The following RETREG1 variants were observed in gnomAD, a reference collection of about 807,000 sequenced individuals.
RETREG1 encodes the protein family with sequence similarity 134 member B.
RETREG1 carries 44 observed loss-of-function variants against 54.8 expected under a neutral mutation model. That is an observed-to-expected ratio of 0.80 (90% CI 0.63 to 1.03). The LOEUF (loss-of-function observed/expected upper bound fraction) is 1.03. Ranked by LOEUF, RETREG1 falls within the 50% of genes least tolerant of loss-of-function variation. RETREG1 has a pLI of 0.00. For synonymous variants in RETREG1, 217 were observed against 238.5 expected, an observed-to-expected ratio of 0.91 and a Z score of 0.83; for missense variants, 554 against 605.1, an observed-to-expected ratio of 0.92 and a Z score of 0.89.
Position 16,481,001 on chromosome 5 carries a change from A to G in RETREG1, c.670+8T>C, listed in dbSNP as rs1229368332. 1.3e-6 allele frequency: 2 copies of G among 1,588,470 alleles called. No homozygotes were observed. Among genetic ancestry groups the G allele is most frequent in the Admixed American group, 1.7e-5 (1 of 59,788 alleles). On this transcript the variant is annotated splice_region_variant and intron_variant, in intron 5 of 8. Coordinates refer to ENST00000306320, the MANE Select transcript of RETREG1 (RefSeq NM_001034850.3). ...ACAACACTTAGCCATATGTTCTACT[A>G]TACTTACACAGTAGATAGCTGAGTA...
rs558403876 is a variant in RETREG1 at position 16,487,305 on chromosome 5, G to A, written c.459-3833C>T. On this transcript the variant is annotated intron_variant, in intron 3 of 8. Coordinates refer to ENST00000306320, the MANE Select transcript of RETREG1 (RefSeq NM_001034850.3). ...ACTTTCCAAGTTCAAAAGGAAATAG[G>A]TTCTTTGGTTCATCTTTCTATCCAT... 9.7e-4 allele frequency among the ~76,000 whole-genome samples: 147 copies of A among 152,218 alleles called. 2 individuals carry two copies. In the Middle Eastern group the frequency reaches 0.014, roughly 14 times the overall value.
chr5:16,503,007 T>C (rs334466), intron 3 of RETREG1, among the ~76,000 whole-genome samples: 42,874 of 152,182 alleles, frequency 0.28, 6,257 homozygotes, highest in East Asian at 0.39. Flanking sequence ...CCATAGCAGC[T>C]GCAGCCCTCC....
chr5:16,563,559 C>T (rs1741930439), intron 3 of RETREG1, among the ~76,000 whole-genome samples: 1 of 152,174 alleles, frequency 6.6e-6, no homozygotes, highest in African/African-American at 2.4e-5. Flanking sequence ...CGTGCCTGGC[C>T]TGTAAATGTC....
intron 1 of RETREG1, among the ~76,000 whole-genome samples, chr5:16,599,750 TC>T (rs1362523701): frequency 6.6e-6 from 1 of 151,910 alleles, no homozygotes; most frequent in African/African-American, 2.4e-5. Context: ...CTCCTCTTCC[TC>T]CCCAAACCAC....
At chr5:16,479,252 C>G (rs1284724616) in intron 5 of RETREG1, among the ~76,000 whole-genome samples, 3 of 151,922 alleles carry the variant, frequency 2.0e-5, no homozygotes, top group Non-Finnish European at 4.4e-5. Flanking sequence ...CATTTTCTAC[C>G]ACCACCCACA....
intron 3 of RETREG1, among the ~76,000 whole-genome samples, chr5:16,526,387 T>C (rs1223998730): frequency 6.6e-6 from 1 of 152,204 alleles, no homozygotes; most frequent in East Asian, 1.9e-4. Flanking sequence ...TCAACTGCCT[T>C]AGTTACAAGC....
chr5:16,562,144 C>T (rs1226849324), intron 3 of RETREG1, among the ~76,000 whole-genome samples: 1 of 152,054 alleles, frequency 6.6e-6, no homozygotes, highest in African/African-American at 2.4e-5. Flanking sequence ...GGAGAAACCC[C>T]ATCTCTAGTA....
At chr5:16,572,894 G>A (rs1222189352) in intron 1 of RETREG1, among the ~76,000 whole-genome samples, 2 of 152,124 alleles carry the variant, frequency 1.3e-5, no homozygotes, top group South Asian at 4.1e-4. Flanking sequence ...CTTAAAAACA[G>A]CAGTTATTGG....
intron 3 of RETREG1, among the ~76,000 whole-genome samples, chr5:16,525,945 G>C (rs995784102): frequency 6.6e-5 from 10 of 152,170 alleles, no homozygotes; most frequent in Non-Finnish European, 1.3e-4. Context: ...AGGGACCTGG[G>C]TCCTTGCTCT....
At chr5:16,565,657 T>A in intron 3 of RETREG1, 106 bp downstream of exon 3, 1 of 1,222,274 alleles carries the variant, frequency 8.2e-7, no homozygotes, top group Non-Finnish European at 1.2e-6. Flanking sequence ...ACTCTTGGAT[T>A]TAGATTCCTG....
intron 3 of RETREG1, among the ~76,000 whole-genome samples, chr5:16,538,372 C>T (rs1437174618): frequency 1.3e-5 from 2 of 152,188 alleles, no homozygotes; most frequent in Non-Finnish European, 2.9e-5. Flanking sequence ...AAATTGGGGG[C>T]TCTTTGACTT....
intron 5 of RETREG1, among the ~76,000 whole-genome samples, chr5:16,480,206 G>A (rs573836979): frequency 6.4e-4 from 97 of 151,926 alleles, no homozygotes; most frequent in African/African-American, 2.2e-3. Flanking sequence ...ACTAAAGATT[G>A]TTTGAATTTT....
intron 3 of RETREG1, among the ~76,000 whole-genome samples, chr5:16,518,137 T>A (rs1740417983): frequency 6.7e-6 from 1 of 148,200 alleles, no homozygotes; most frequent in Admixed American, 6.8e-5. Context: ...TATATATTTA[T>A]ATATAATCAA....
intron 3 of RETREG1, among the ~76,000 whole-genome samples, chr5:16,526,473 G>A (rs562713710): frequency 2.0e-5 from 3 of 152,168 alleles, no homozygotes; most frequent in South Asian, 4.1e-4. Flanking sequence ...GGAAAAGGTG[G>A]ACTCAAAAAG....
In RETREG1 at chr5:16,585,827, G is replaced by A. The variant is rs1243844953; in HGVS notation, c.321-13725C>T. Among the ~76,000 whole-genome samples, 1 of 152,134 alleles carries A rather than the reference G, an allele frequency of 6.6e-6. No individual in the cohort carries two copies. The highest frequency in any genetic ancestry group is 2.4e-5 in the African/African-American group (1 of 41,488). On this transcript the variant is annotated intron_variant, in intron 1 of 8. Coordinates refer to ENST00000306320, the MANE Select transcript of RETREG1 (RefSeq NM_001034850.3). This position sits in a 1 kb window ranked among gnomAD's most constrained non-coding sequence, Gnocchi z 4.5. ...CATATGGTGGGAGCAGTGGCAAGAG[G>A]GAGTGTGGGGAGGGGGTGCCACATA...
Position 16,473,219 on chromosome 5 carries a change from A to G in RETREG1, c.*1522T>C. On this transcript the variant is annotated 3_prime_UTR_variant, in exon 9 of 9. Coordinates refer to ENST00000306320, the MANE Select transcript of RETREG1 (RefSeq NM_001034850.3). The stretch of plus-strand genomic sequence containing the variant: ...GAAGGCACAGGCTCACTTTGTATCA[A>G]TAAAGGACATCAAACACAGTCATGA... The G allele has an allele frequency of 6.6e-6, 1 of 152,568 alleles. No homozygotes were observed. The highest frequency in any genetic ancestry group is 1.5e-5 in the Non-Finnish European group (1 of 68,014). 9.5% of individuals were successfully genotyped at this position (152,568 alleles called of 1,614,324 possible).
chr5:16,537,681 A>G (rs1741116888), intron 3 of RETREG1, among the ~76,000 whole-genome samples: 2 of 152,138 alleles, frequency 1.3e-5, no homozygotes, highest in East Asian at 1.9e-4. Context: ...CTGGGGACAG[A>G]GCAAGACTCT....
chr5:16,575,658 C>A (rs917047884), intron 1 of RETREG1, among the ~76,000 whole-genome samples: 1 of 152,244 alleles, frequency 6.6e-6, no homozygotes, highest in African/African-American at 2.4e-5. Context: ...CTATTCTGTC[C>A]TGGGCAAGGG....
chr5:16,558,036 T>A (rs2560829), intron 3 of RETREG1, among the ~76,000 whole-genome samples: 126,059 of 151,614 alleles, frequency 0.83, 52,347 homozygotes, highest in Middle Eastern at 0.87. Context: ...AAACAAAATT[T>A]AAAAAAAGAA....
Sources: gnomAD v4.1 joint callset for allele counts (sites outside exome capture counted in the v4.1 genomes callset) on GRCh38, gnomAD v4.1.1 for gene constraint, Gnocchi (gnomAD v3.1) non-coding constraint, MANE v1.5 for transcripts, NCBI Gene and HGNC (gene_info 2026-07-23, HGNC 2026-07-21) for gene names.